The following FGL1 variants were observed in gnomAD, a reference collection of about 807,000 sequenced individuals.
FGL1 encodes the protein fibrinogen-like protein 1.
In FGL1, 59 loss-of-function variants were observed where a neutral mutation model predicts 43.7. The observed-to-expected ratio is 1.35, with a 90% CI of 1.10 to 1.68. The LOEUF is 1.68. Among genes scored for constraint, FGL1 ranks in the 40% most tolerant of loss-of-function variants. FGL1 has a pLI of 0.00. For missense variants in FGL1, 596 were observed against 373.0 expected (o/e 1.60, Z -4.92); for synonymous variants, 192 against 126.5 (o/e 1.52, Z -3.48).
intron 3 of FGL1, among the ~76,000 whole-genome samples, chr8:17,875,555 T>TTCTCTCTCTCTCTC (rs1563452473): frequency 1.2e-4 from 2 of 17,270 alleles, no homozygotes; most frequent in African/African-American, 2.9e-4. Flanking sequence ...CTTTCTTTCT[T>TTCTCTCTCTCTCTC]TCTTTCTTTC....
chr8:17,895,388 T>C, intron 1 of FGL1, 59 bp downstream of exon 1: 2 of 1,275,860 alleles, frequency 1.6e-6, no homozygotes, highest in Middle Eastern at 2.2e-4. Flanking sequence ...ATCATACCTG[T>C]GAAATAAATT....
chr8:17,870,153 T>C (rs1314470577), intron 5 of FGL1, among the ~76,000 whole-genome samples: 2 of 152,104 alleles, frequency 1.3e-5, no homozygotes, highest in East Asian at 1.9e-4. Flanking sequence ...ATGTATTGGG[T>C]ACATATTATC....
At chr8:17,882,650 G>A (rs2053554178) in intron 2 of FGL1, 1 of 131,296 alleles carries the variant, frequency 7.6e-6, no homozygotes, top group African/African-American at 3.4e-5. Flanking sequence ...AATAAATGAG[G>A]TTTTTGAATG....
intron 1 of FGL1, among the ~76,000 whole-genome samples, chr8:17,892,016 C>T (rs1267523945): frequency 6.6e-6 from 1 of 152,168 alleles, no homozygotes; most frequent in Non-Finnish European, 1.5e-5. Context: ...GGGCCAAGGT[C>T]ATTACCATAG....
intron 3 of FGL1, among the ~76,000 whole-genome samples, chr8:17,876,572 A>G (rs2053459211): frequency 6.6e-6 from 1 of 152,234 alleles, no homozygotes; most frequent in Non-Finnish European, 1.5e-5. Context: ...AAACAATGAG[A>G]AAATGATTAT....
At chr8:17,885,831 T>C in intron 1 of FGL1, 1 of 390,816 alleles carries the variant, frequency 2.6e-6, no homozygotes, top group Non-Finnish European at 4.6e-6. Context: ...GTGCTGTTTG[T>C]GTTATGCTGT....
chr8:17,891,783 T>G (rs1338933306), intron 1 of FGL1: 1 of 983,786 alleles, frequency 1.0e-6, no homozygotes, highest in African/African-American at 1.7e-5. Flanking sequence ...TAAGATGTCT[T>G]TATCAGATTC....
chr8:17,885,436 A>T, intron 2 of FGL1, 56 bp downstream of exon 2: 1 of 1,438,842 alleles, frequency 7.0e-7, no homozygotes, highest in East Asian at 2.3e-5. Flanking sequence ...AATGAAAGAA[A>T]ATTCAGATAA....
intron 1 of FGL1, among the ~76,000 whole-genome samples, chr8:17,892,963 G>C (rs1010876863): frequency 6.6e-6 from 1 of 152,218 alleles, no homozygotes; most frequent in African/African-American, 2.4e-5. Flanking sequence ...ACGTTGAGAG[G>C]CTGAGGCAGG....
intron 1 of FGL1, chr8:17,895,227 T>G (rs1416460903): frequency 2.3e-6 from 2 of 866,646 alleles, no homozygotes; most frequent in African/African-American, 3.7e-5. Context: ...TAACATACCT[T>G]ATTTGTATAT....
chr8:17,871,058 C>T (rs181659291), intron 5 of FGL1, among the ~76,000 whole-genome samples: 11 of 152,112 alleles, frequency 7.2e-5, no homozygotes, highest in Middle Eastern at 6.8e-3. Context: ...AGAGGTGATG[C>T]GGGCCTCTCT....
At chr8:17,881,857 G>T in intron 3 of FGL1, 142 bp downstream of exon 3, 2 of 634,340 alleles carry the variant, frequency 3.2e-6, no homozygotes, top group Non-Finnish European at 5.0e-6. Context: ...AAAGTAAAGT[G>T]TGAAAGAAGA....
intron 1 of FGL1, chr8:17,891,629 A>G: frequency 1.0e-6 from 1 of 967,016 alleles, no homozygotes; most frequent in Non-Finnish European, 1.2e-6. Context: ...TGAACCTAGC[A>G]CAGGTACTCG....
chr8:17,892,976 G>C (rs982934124), intron 1 of FGL1, among the ~76,000 whole-genome samples: 3 of 152,184 alleles, frequency 2.0e-5, no homozygotes, highest in African/African-American at 7.2e-5. Flanking sequence ...GAGGCAGGCA[G>C]ATCACTTGGG....
At chr8:17,867,749 T>C (rs994406586) in intron 7 of FGL1, among the ~76,000 whole-genome samples, 3 of 152,120 alleles carry the variant, frequency 2.0e-5, no homozygotes, top group Admixed American at 1.3e-4. Context: ...AATCCAATGG[T>C]GCGAATCTCT....
At chr8:17,867,413 A>G (rs2053285751) in intron 7 of FGL1, among the ~76,000 whole-genome samples, 1 of 152,238 alleles carries the variant, frequency 6.6e-6, no homozygotes, top group African/African-American at 2.4e-5. Flanking sequence ...TTTTGGGTGT[A>G]GGAAGGAAAA....
chr8:17,881,683 A>G (rs1019558909), intron 3 of FGL1, among the ~76,000 whole-genome samples: 5 of 151,390 alleles, frequency 3.3e-5, no homozygotes, highest in South Asian at 2.1e-4. Context: ...AATACAAAAA[A>G]AGTAGCCGGG....
At chr8:17,871,353 G>A (rs960129632) in intron 5 of FGL1, among the ~76,000 whole-genome samples, 3 of 151,926 alleles carry the variant, frequency 2.0e-5, no homozygotes, top group African/African-American at 7.3e-5. Context: ...AATTAGCTGG[G>A]TGTGGTGGTG....
chr8:17,867,723 C>T (rs1035661032), intron 7 of FGL1, among the ~76,000 whole-genome samples: 10 of 152,198 alleles, frequency 6.6e-5, no homozygotes, highest in African/African-American at 2.4e-4. Context: ...GGGTGACCCA[C>T]CTCCTGGGCA....
Sources: gnomAD v4.1 joint callset for allele counts (sites outside exome capture counted in the v4.1 genomes callset) on GRCh38, gnomAD v4.1.1 for gene constraint, MANE v1.5 for transcripts, NCBI Gene and HGNC (gene_info 2026-07-23, HGNC 2026-07-21) for gene names.